Variants in BAD observed in about 807,000 individuals in gnomAD.
BAD encodes the protein BCL2 associated agonist of cell death.
Under a neutral mutation model 17.8 loss-of-function variants are expected in BAD, and 18 were observed. The observed-to-expected ratio is 1.01, with a 90% CI of 0.70 to 1.50. BAD has a LOEUF of 1.50. BAD is among the 40% of genes most tolerant of loss of function. The probability of loss-of-function intolerance (pLI) is 0.00; values close to 1 mark genes in which losing one functional copy is unlikely to be tolerated. For synonymous variants in BAD, 112 were observed against 91.5 expected (o/e 1.22, Z -1.28); for missense variants, 294 against 239.3 (o/e 1.23, Z -1.51).
upstream of BAD, chr11:64,284,670 C>A: frequency 6.5e-7 from 1 of 1,535,336 alleles, no homozygotes; most frequent in Non-Finnish European, 8.7e-7. Context: ...GGGCCTGCCG[C>A]CTCCCTCCAG....
chr11:64,272,881 A>C (rs1044096845), intron 2 of BAD: 22 of 152,232 alleles, frequency 1.4e-4, no homozygotes, highest in African/African-American at 4.6e-4. Flanking sequence ...GGATAATCCT[A>C]GCCCTGACTC....
At chr11:64,278,846 C>T (rs977748675) in intron 2 of BAD, among the ~76,000 whole-genome samples, 9 of 152,326 alleles carry the variant, frequency 5.9e-5, no homozygotes, top group Middle Eastern at 6.8e-3. Context: ...AGTTGCTCTG[C>T]GCAGGTAGAG....
chr11:64,279,616 A>G (rs1325468768), intron 2 of BAD, among the ~76,000 whole-genome samples: 1 of 151,700 alleles, frequency 6.6e-6, no homozygotes, highest in African/African-American at 2.4e-5. Flanking sequence ...AAACACAAAA[A>G]TTAGCTGGGC....
rs1169037078 is a variant in BAD at position 64,270,060 on chromosome 11, C to T, written c.*149G>A. ...CAAGCCTTCCGTGGCTTCACACGCA[C>T]CGGAAGGGAATCTGGGTCAGCCCTC... On this transcript the variant is annotated 3_prime_UTR_variant, in exon 4 of 4. Transcript: ENST00000309032. 2.2e-6 allele frequency: 3 copies of T among 1,382,990 alleles called. No individual in the cohort carries two copies. The African/African-American group carries it at 4.3e-5, about 20-fold the overall frequency. 85.7% of individuals were successfully genotyped at this position (1,382,990 alleles called of 1,614,324 possible).
At chr11:64,280,856 C>G (rs908485934) in intron 2 of BAD, among the ~76,000 whole-genome samples, 8 of 150,394 alleles carry the variant, frequency 5.3e-5, no homozygotes, top group South Asian at 2.1e-4. Context: ...GTAGTAGAGA[C>G]AGGATTTCAC....
At chr11:64,273,059 C>G (rs2032757854) in intron 2 of BAD, among the ~76,000 whole-genome samples, 1 of 152,066 alleles carries the variant, frequency 6.6e-6, no homozygotes, top group South Asian at 2.1e-4. Flanking sequence ...AACCCCATCT[C>G]TATTAATTTA....
At chr11:64,284,540 T>A in intron 1 of BAD, 91 bp downstream of exon 1, 2 of 1,510,740 alleles carry the variant, frequency 1.3e-6, no homozygotes, top group Non-Finnish European at 1.8e-6. Context: ...GGCAGGGAGC[T>A]GAGGCTGTCG....
chr11:64,282,404 C>A (rs1310280549), intron 2 of BAD, among the ~76,000 whole-genome samples: 1 of 152,002 alleles, frequency 6.6e-6, no homozygotes, highest in Non-Finnish European at 1.5e-5. Context: ...GAATTCGAGA[C>A]AAGACTGGGC....
At position 64,284,108 on chromosome 11, in the gene BAD, A is replaced by G. The variant is rs2033670091; in HGVS notation, c.187+74T>C. On this transcript the variant is annotated intron_variant, in intron 2 of 3. Transcript: ENST00000309032. The stretch of plus-strand genomic sequence containing the variant: ...GACCCAAAGCATTCAGTGCCTGTGG[A>G]TGCAACTGGGATGCAGGGAGCCAGT... 4.0e-6 allele frequency: 6 copies of G among 1,486,158 alleles called. No individual in the cohort carries two copies. The East Asian group carries it at 1.4e-4, about 34-fold the overall frequency. The allele number at this position is 1,486,158 out of a possible 1,614,324, so 92.1% of individuals were successfully genotyped here.
chr11:64,284,280 C>T lies in BAD; in HGVS notation c.89G>A (p.Gly30Glu). Reference protein sequence around the residue: ...RGLGPSPAGDGPSGSGKHHRQ... With the variant: ...RGLGPSPAGDEPSGSGKHHRQ... Reference sequence around the variant, plus strand: ...ATGATGCTTGCCGGAGCCTGAGGGCCCGTCCCCTGCGGGGCTGGGGCCCAG... The same window carrying T: ...ATGATGCTTGCCGGAGCCTGAGGGCTCGTCCCCTGCGGGGCTGGGGCCCAG... Residue 30 changes from glycine (G) to glutamate (E), a missense_variant, in exon 2 of 4, where the codon GGG becomes GAG. Coordinates refer to ENST00000309032, the MANE Select transcript of BAD (RefSeq NM_032989.3). The T allele has an allele frequency of 6.2e-7, 1 of 1,611,824 alleles. No homozygotes were observed. The highest frequency in any genetic ancestry group is 1.1e-5 in the South Asian group (1 of 91,086).
In BAD at chr11:64,271,939, G is replaced by A. The variant is rs560132315; in HGVS notation, c.188-136C>T. ...GGGGCGCATCACAGCCCACCTCTCAGAGCCCCAGTCCCTTGTATGTGAATC... is the reference window on the plus strand; with the variant it reads ...GGGGCGCATCACAGCCCACCTCTCAAAGCCCCAGTCCCTTGTATGTGAATC... On this transcript the variant is annotated intron_variant, in intron 2 of 3. Coordinates refer to ENST00000309032, the MANE Select transcript of BAD (RefSeq NM_032989.3). 3.4e-4 allele frequency: 202 copies of A among 592,210 alleles called. No homozygotes were observed. The African/African-American group carries it at 3.7e-3, about 11-fold the overall frequency. The allele number at this position is 592,210 out of a possible 1,614,324, so 36.7% of individuals were successfully genotyped here.
At chr11:64,275,326 C>A (rs2032979839) in intron 2 of BAD, among the ~76,000 whole-genome samples, 2 of 152,188 alleles carry the variant, frequency 1.3e-5, no homozygotes, top group African/African-American at 4.8e-5. Flanking sequence ...GGCCTGTCTG[C>A]AGAGTAATTT....
Position 64,284,655 on chromosome 11 carries a change from G to T in BAD, c.-33C>A. 2 of 1,533,980 alleles carry T rather than the reference G, an allele frequency of 1.3e-6. No individual in the cohort carries two copies. Among genetic ancestry groups the T allele is most frequent in the South Asian group, 2.4e-5 (2 of 83,828 alleles). ...CCCCAAGCCCGATCTCGAGGCCCCT[G>T]ACCCGGGCCTGCCGCCTCCCTCCAG... On this transcript the variant is annotated 5_prime_UTR_variant, in exon 1 of 4. Transcript: ENST00000309032.
At position 64,269,972 on chromosome 11, in the gene BAD, G is replaced by C; in HGVS notation, c.*237C>G. 1 of 776,098 alleles carries C rather than the reference G, an allele frequency of 1.3e-6. No individual in the cohort carries two copies. Among genetic ancestry groups the C allele is most frequent in the East Asian group, 2.7e-5 (1 of 37,476 alleles). The allele number at this position is 776,098 out of a possible 1,614,324, so 48.1% of individuals were successfully genotyped here. The stretch of plus-strand genomic sequence containing the variant: ...GCCTGGGGGAAAGCCCGGAGCCTGA[G>C]GGCGGGGCCACGGAGCCACTTCCGG... On this transcript the variant is annotated 3_prime_UTR_variant, in exon 4 of 4. Coordinates refer to ENST00000309032, the MANE Select transcript of BAD (RefSeq NM_032989.3).
rs759787241 is a variant in BAD, at chr11:64,270,048, G to A, written c.*161C>T. On this transcript the variant is annotated 3_prime_UTR_variant, in exon 4 of 4. Transcript: ENST00000309032. ...TTCCGATGGGACCAAGCCTTCCGTG[G>A]CTTCACACGCACCGGAAGGGAATCT... The A allele has an allele frequency of 2.3e-6, 3 of 1,319,890 alleles. No homozygotes were observed. The South Asian group carries it at 3.9e-5, about 17-fold the overall frequency. The allele number at this position is 1,319,890 out of a possible 1,614,324, so 81.8% of individuals were successfully genotyped here. A position where few individuals can be genotyped will look rare whatever the true frequency, so the allele number is the denominator to read the frequency against.
chr11:64,284,621 C>G lies in BAD; in HGVS notation c.-9+10G>C, dbSNP rs1012971065. 6.6e-7 allele frequency: 1 copy of G among 1,513,342 alleles called. No individual in the cohort carries two copies. The highest frequency in any genetic ancestry group is 8.8e-7 in the Non-Finnish European group (1 of 1,135,146). 93.7% of individuals were successfully genotyped at this position (1,513,342 alleles called of 1,614,324 possible). A position where few individuals can be genotyped will look rare whatever the true frequency, so the allele number is the denominator to read the frequency against. ...CCGCCCCGCCCGTGGTGACGGCGCACAGGTCTCACCCCAAGCCCGATCTCG... is the reference window on the plus strand; with the variant it reads ...CCGCCCCGCCCGTGGTGACGGCGCAGAGGTCTCACCCCAAGCCCGATCTCG... On this transcript the variant is annotated intron_variant, in intron 1 of 3. Transcript: ENST00000309032.
At chr11:64,270,900 GACACAC>G (rs71045754) in intron 3 of BAD, among the ~76,000 whole-genome samples, 16,207 of 87,662 alleles carry the variant, frequency 0.18, 1,696 homozygotes, top group East Asian at 0.46. Context: ...TGCCCTGTGA[GACACAC>G]ACACACACAC....
intron 2 of BAD, among the ~76,000 whole-genome samples, chr11:64,283,730 T>A (rs2033639578): frequency 6.6e-6 from 1 of 152,212 alleles, no homozygotes; most frequent in African/African-American, 2.4e-5. Flanking sequence ...GGCAGGCCCC[T>A]TTTCCTTTTC....
At chr11:64,277,486 G>A (rs1019122207) in intron 2 of BAD, among the ~76,000 whole-genome samples, 3 of 152,198 alleles carry the variant, frequency 2.0e-5, no homozygotes, top group Admixed American at 2.0e-4. Context: ...CACCCAGACT[G>A]GAGTGGGGTG....
Sources: allele counts gnomAD v4.1 joint callset (sites outside exome capture counted in the v4.1 genomes callset), GRCh38; gene constraint gnomAD v4.1.1; transcripts MANE v1.5; gene names NCBI Gene and HGNC (gene_info 2026-07-23, HGNC 2026-07-21).